The following LYRM4 variants were observed in gnomAD, a reference collection of about 807,000 sequenced individuals.
The protein encoded by LYRM4 is LYR motif containing 4.
In LYRM4, 9 loss-of-function variants were observed where a neutral mutation model predicts 11.7. The ratio of observed to expected loss-of-function variants is 0.77; its 90% confidence interval spans 0.46 to 1.34. LYRM4 has a LOEUF of 1.34. Among genes scored for constraint, LYRM4 ranks in the 40% most tolerant of loss-of-function variants. LYRM4 has a pLI of 0.00. For missense variants in LYRM4, 133 were observed against 112.5 expected, an observed-to-expected ratio of 1.18 and a Z score of -0.82; for synonymous variants, 42 against 40.4, an observed-to-expected ratio of 1.04 and a Z score of -0.15.
At chr6:5,127,930 CA>C (rs1490140115) in intron 2 of LYRM4, among the ~76,000 whole-genome samples, 2 of 152,152 alleles carry the variant, frequency 1.3e-5, no homozygotes, top group Non-Finnish European at 2.9e-5. Context: ...AATAAATATA[CA>C]TTCACAGGAA....
chr6:5,137,327 C>T lies in LYRM4; in HGVS notation c.208-27836G>A, dbSNP rs549847092. Among the ~76,000 whole-genome samples, 6 of 152,264 alleles carry T rather than the reference C, an allele frequency of 3.9e-5. No individual in the cohort carries two copies. The South Asian group carries it at 1.2e-3, about 32-fold the overall frequency. ...TTGCATATAAGTCTTTGTGTGGACA[C>T]GTTTTCATTTCTCTTGAGTATACAT... On this transcript the variant is annotated intron_variant, in intron 2 of 2. Coordinates refer to ENST00000330636, the MANE Select transcript of LYRM4 (RefSeq NM_020408.6).
chr6:5,216,692 T>C lies in LYRM4; in HGVS notation c.133A>G (p.Asn45Asp). 2 of 1,613,982 alleles carry C rather than the reference T, an allele frequency of 1.2e-6. No individual in the cohort carries two copies. Among genetic ancestry groups the C allele is most frequent in the Non-Finnish European group, 1.7e-6 (2 of 1,180,010 alleles). Reference protein sequence around the residue: ...RIRDAFRENKNVKDPVEIQTL... With the variant: ...RIRDAFRENKDVKDPVEIQTL... ...TGAATTTCTACAGGATCCTTTACAT[T>C]TTTATTTTCTCTGAAGGCATCTCTT... is the stretch of plus-strand genomic sequence containing the variant. Residue 45 changes from asparagine to aspartate, a missense_variant, in exon 2 of 3, where the codon AAT becomes GAT. Coordinates refer to ENST00000330636, the MANE Select transcript of LYRM4 (RefSeq NM_020408.6).
chr6:5,141,780 T>C (rs755636275), intron 2 of LYRM4, among the ~76,000 whole-genome samples: 1 of 152,076 alleles, frequency 6.6e-6, no homozygotes, highest in Non-Finnish European at 1.5e-5. Context: ...TCACTACCAC[T>C]GAGGAATAGG....
chr6:5,218,307 T>C (rs1762393418), intron 1 of LYRM4: 1 of 985,118 alleles, frequency 1.0e-6, no homozygotes, highest in African/African-American at 1.7e-5. Context: ...AACAGAAGAA[T>C]GGAAATACAG....
intron 2 of LYRM4, among the ~76,000 whole-genome samples, chr6:5,204,675 C>G: frequency 6.6e-6 from 1 of 152,132 alleles, no homozygotes; most frequent in Admixed American, 6.5e-5. Flanking sequence ...CCTTTCAACA[C>G]TGAAGTTCCC....
chr6:5,145,438 A>G (rs902877386), intron 2 of LYRM4, among the ~76,000 whole-genome samples: 1 of 152,202 alleles, frequency 6.6e-6, no homozygotes, highest in Admixed American at 6.5e-5. Flanking sequence ...GTTCATAAAG[A>G]TTAATAAAAC....
intron 2 of LYRM4, among the ~76,000 whole-genome samples, chr6:5,122,209 A>G (rs1763488646): frequency 6.6e-6 from 1 of 152,164 alleles, no homozygotes; most frequent in Non-Finnish European, 1.5e-5. Flanking sequence ...TGTCACCTTC[A>G]TCCGGTGATG....
intron 2 of LYRM4, among the ~76,000 whole-genome samples, chr6:5,188,577 T>C (rs1172852928): frequency 1.3e-5 from 2 of 152,214 alleles, no homozygotes; most frequent in Non-Finnish European, 2.9e-5. Flanking sequence ...CTTCGGATCT[T>C]AGTCTGAGTG....
intron 1 of LYRM4, among the ~76,000 whole-genome samples, chr6:5,225,420 T>C (rs1316299195): frequency 6.6e-6 from 1 of 152,210 alleles, no homozygotes; most frequent in East Asian, 1.9e-4. Context: ...ATTAGGTTCA[T>C]ATTAAAATCT....
At chr6:5,196,545 G>A (rs924326027) in intron 2 of LYRM4, among the ~76,000 whole-genome samples, 1 of 152,180 alleles carries the variant, frequency 6.6e-6, no homozygotes, top group Non-Finnish European at 1.5e-5. Flanking sequence ...TTGGTACAGT[G>A]CCTTCCTCCT....
intron 2 of LYRM4, among the ~76,000 whole-genome samples, chr6:5,112,453 C>T (rs1433710990): frequency 6.6e-6 from 1 of 152,196 alleles, no homozygotes; most frequent in Non-Finnish European, 1.5e-5. Flanking sequence ...AGGGCTCTTT[C>T]CTACAAGTGA....
the LYRM4 span, chr6:5,085,459 C>T: frequency 6.7e-7 from 1 of 1,502,520 alleles, no homozygotes; most frequent in Non-Finnish European, 8.9e-7. Flanking sequence ...CGGTTCGGCC[C>T]GAGCAAGTCC....
chr6:5,101,496 T>G (rs1477513259), downstream of LYRM4, among the ~76,000 whole-genome samples: 2 of 152,206 alleles, frequency 1.3e-5, no homozygotes, highest in African/African-American at 4.8e-5. Context: ...TTTTTATGAA[T>G]GAGGAAACAG....
At chr6:5,218,089 G>T (rs1762379976) in intron 1 of LYRM4, among the ~76,000 whole-genome samples, 1 of 150,842 alleles carries the variant, frequency 6.6e-6, no homozygotes, top group East Asian at 1.9e-4. Flanking sequence ...AAAAAATTTT[G>T]GGGGATGGGG....
chr6:5,086,628 C>T, the LYRM4 span: 1 of 1,298,094 alleles, frequency 7.7e-7, no homozygotes, highest in Non-Finnish European at 1.0e-6. Flanking sequence ...GCTGCCGCCT[C>T]AAGGAACTTG....
At chr6:5,140,172 G>A (rs1757326785) in intron 2 of LYRM4, among the ~76,000 whole-genome samples, 1 of 150,954 alleles carries the variant, frequency 6.6e-6, no homozygotes, top group African/African-American at 2.4e-5. Context: ...AGGCTGCAGT[G>A]AGCCGTGATC....
At chr6:5,135,138 A>T (rs1240330008) in intron 2 of LYRM4, among the ~76,000 whole-genome samples, 2 of 4,038 alleles carry the variant, frequency 5.0e-4, no homozygotes. Flanking sequence ...GAGGGTGCGG[A>T]TCGCTCCCGG....
At chr6:5,118,331 G>A (rs567620599) in intron 2 of LYRM4, among the ~76,000 whole-genome samples, 16 of 152,088 alleles carry the variant, frequency 1.1e-4, no homozygotes, top group Admixed American at 9.2e-4. Flanking sequence ...TGGCCAGGCC[G>A]GTCGCAAACT....
the LYRM4 span, among the ~76,000 whole-genome samples, chr6:5,071,620 GTA>G: frequency 7.9e-5 from 12 of 151,678 alleles, no homozygotes; most frequent in South Asian, 4.2e-4. Flanking sequence ...GTGTGTGTAT[GTA>G]TATATATATG....
Sources: allele counts gnomAD v4.1 joint callset (sites outside exome capture counted in the v4.1 genomes callset), GRCh38; gene constraint gnomAD v4.1.1; transcripts MANE v1.5; gene names NCBI Gene and HGNC (gene_info 2026-07-23, HGNC 2026-07-21).